CUX1: variants seen among roughly 807,000 people sequenced by gnomAD.
CUX1 encodes the protein cut like homeobox 1, also known as protein CASP.
In CUX1, 31 loss-of-function variants were observed where a neutral mutation model predicts 158.8. That is an observed-to-expected ratio of 0.20 (90% CI 0.15 to 0.26). CUX1 has a LOEUF of 0.26. Among genes scored for constraint, CUX1 ranks in the 10% least tolerant of loss-of-function variants. The probability of loss-of-function intolerance (pLI) is 1.00; values close to 1 mark genes in which losing one functional copy is unlikely to be tolerated. For synonymous variants in CUX1, 879 were observed against 862.1 expected (o/e 1.02, Z -0.34); for missense variants, 1,589 against 2,014.6 (o/e 0.79, Z 4.04).
chr7:102,123,751 CTCCCGGTTTCAAACGATTT>C (rs1832321509), intron 8 of CUX1, among the ~76,000 whole-genome samples: 1 of 151,996 alleles, frequency 6.6e-6, no homozygotes, highest in Non-Finnish European at 1.5e-5. Context: ...CAACTTCTAC[CTCCCGGTTTCAAACGATTT>C]TCCCACCTCA....
At chr7:102,073,812 A>T (rs1826411766) in intron 4 of CUX1, among the ~76,000 whole-genome samples, 1 of 152,090 alleles carries the variant, frequency 6.6e-6, no homozygotes, top group South Asian at 2.1e-4. Flanking sequence ...TATTCTTCAC[A>T]ATTTTTATTT....
At chr7:102,035,652 C>CAAAAAAA (rs10699446) in intron 3 of CUX1, among the ~76,000 whole-genome samples, 4 of 90,612 alleles carry the variant, frequency 4.4e-5, no homozygotes, top group South Asian at 4.2e-4. Context: ...GATAGCCAGC[C>CAAAAAAA]AAAAAAAAAA....
chr7:101,934,116 C>T (rs1806631586), intron 2 of CUX1, among the ~76,000 whole-genome samples: 1 of 152,256 alleles, frequency 6.6e-6, no homozygotes, highest in East Asian at 1.9e-4. Context: ...TTGTTTCTAT[C>T]CTATGGAACC....
At position 102,189,991 on chromosome 7, in the gene CUX1, G is replaced by A. The variant is rs942974170; in HGVS notation, c.1076+120G>A. 2.3e-5 allele frequency: 23 copies of A among 1,015,610 alleles called. No homozygotes were observed. The East Asian group carries it at 2.6e-4, about 11-fold the overall frequency. 62.9% of individuals were successfully genotyped at this position (1,015,610 alleles called of 1,614,324 possible). A position where few individuals can be genotyped will look rare whatever the true frequency, so the allele number is the denominator to read the frequency against. On this transcript the variant is annotated intron_variant, in intron 12 of 23. Coordinates refer to ENST00000292535, the MANE Select transcript of CUX1 (RefSeq NM_181552.4). ...CTGCCCTCTGGCTCAGCAGATGCCC[G>A]TAAATGCAGCCAGAGTTCTACCACT...
chr7:102,233,560 G>T (rs1315179850), intron 21 of CUX1, among the ~76,000 whole-genome samples: 1 of 152,158 alleles, frequency 6.6e-6, no homozygotes, highest in Non-Finnish European at 1.5e-5. Context: ...GCTGATGGGG[G>T]TGGATCACCT....
At chr7:102,019,308 G>A (rs554984552) in intron 2 of CUX1, among the ~76,000 whole-genome samples, 1 of 151,942 alleles carries the variant, frequency 6.6e-6, no homozygotes, top group Non-Finnish European at 1.5e-5. Context: ...GCTCACTGCA[G>A]CCTCTGCCTC....
intron 3 of CUX1, among the ~76,000 whole-genome samples, chr7:102,039,695 T>A (rs1446975712): frequency 1.3e-5 from 2 of 151,896 alleles, no homozygotes; most frequent in Admixed American, 1.3e-4. Context: ...ATGTTCATCT[T>A]GCATACAGTG....
chr7:101,963,810 T>A (rs1810806588), intron 2 of CUX1, among the ~76,000 whole-genome samples: 1 of 151,794 alleles, frequency 6.6e-6, no homozygotes, highest in African/African-American at 2.4e-5. Context: ...TACCACGACA[T>A]CTGGCTAACT....
At chr7:101,978,165 C>T (rs1253849647) in intron 2 of CUX1, among the ~76,000 whole-genome samples, 1 of 152,154 alleles carries the variant, frequency 6.6e-6, no homozygotes, top group Non-Finnish European at 1.5e-5. Context: ...ATACCATCCA[C>T]AGAAGGATGG....
chr7:101,915,059 C>T (rs977456269), intron 1 of CUX1, among the ~76,000 whole-genome samples: 3 of 152,246 alleles, frequency 2.0e-5, no homozygotes, highest in Admixed American at 6.5e-5. Flanking sequence ...TGCTTGGACT[C>T]AGGGTGATGG....
intron 20 of CUX1, among the ~76,000 whole-genome samples, chr7:102,209,621 G>A (rs1187756998): frequency 6.6e-6 from 1 of 152,128 alleles, no homozygotes; most frequent in Non-Finnish European, 1.5e-5. Flanking sequence ...GATATAAAGG[G>A]GGGTGTAGTT....
intron 2 of CUX1, among the ~76,000 whole-genome samples, chr7:101,942,774 TG>T (rs1807867633): frequency 6.6e-6 from 1 of 152,336 alleles, no homozygotes; most frequent in East Asian, 1.9e-4. Context: ...TCCCAGACTC[TG>T]GGTCAGAGGG....
At chr7:102,124,555 GTT>G (rs1554494520) in intron 8 of CUX1, among the ~76,000 whole-genome samples, 1 of 152,180 alleles carries the variant, frequency 6.6e-6, no homozygotes, top group Non-Finnish European at 1.5e-5. Flanking sequence ...TCTGGGGGAT[GTT>G]ACATTAAGTG....
At chr7:102,152,030 G>C (rs556727547) in intron 8 of CUX1, among the ~76,000 whole-genome samples, 1 of 152,122 alleles carries the variant, frequency 6.6e-6, no homozygotes, top group African/African-American at 2.4e-5. Context: ...AACATAGCAA[G>C]ATCAACTTTG....
At chr7:102,208,386 G>A (rs1554522288) in intron 20 of CUX1, among the ~76,000 whole-genome samples, 1 of 152,178 alleles carries the variant, frequency 6.6e-6, no homozygotes, top group African/African-American at 2.4e-5. Context: ...TGAAACTACA[G>A]GCATGCGCCA....
At chr7:101,861,688 G>A (rs1356026621) in intron 1 of CUX1, among the ~76,000 whole-genome samples, 1 of 152,128 alleles carries the variant, frequency 6.6e-6, no homozygotes, top group Non-Finnish European at 1.5e-5. Flanking sequence ...GGGCTAGTGA[G>A]ATTTCTGCAT....
intron 9 of CUX1, among the ~76,000 whole-genome samples, chr7:102,169,457 C>A (rs1367560264): frequency 6.6e-6 from 1 of 152,240 alleles, no homozygotes; most frequent in Non-Finnish European, 1.5e-5. Flanking sequence ...GCCCACGTGT[C>A]CCATGTCATT....
chr7:101,922,205 G>A (rs1263948736), intron 2 of CUX1, among the ~76,000 whole-genome samples: 1 of 152,154 alleles, frequency 6.6e-6, no homozygotes, highest in African/African-American at 2.4e-5. Flanking sequence ...TTTGGCCCTG[G>A]GAATAAAACC....
At chr7:101,910,766 G>A (rs554039216) in intron 1 of CUX1, among the ~76,000 whole-genome samples, 2 of 151,926 alleles carry the variant, frequency 1.3e-5, no homozygotes, top group South Asian at 4.2e-4. Context: ...AAAAAGATGG[G>A]CAAATCCAAA....
Sources: gnomAD v4.1 joint callset for allele counts (sites outside exome capture counted in the v4.1 genomes callset) on GRCh38, gnomAD v4.1.1 for gene constraint, MANE v1.5 for transcripts, NCBI Gene and HGNC (gene_info 2026-07-23, HGNC 2026-07-21) for gene names.